Variants in NLGN1 observed in about 807,000 individuals in gnomAD.
NLGN1 encodes neuroligin 1.
In NLGN1, 12 loss-of-function variants were observed where a neutral mutation model predicts 65.5. That is an observed-to-expected ratio of 0.18 (90% confidence interval 0.12 to 0.30). The LOEUF (loss-of-function observed/expected upper bound fraction) is 0.30. Ranked by LOEUF, NLGN1 falls within the 10% of genes least tolerant of loss-of-function variation. NLGN1 has a pLI of 1.00. For synonymous variants in NLGN1, 350 were observed against 359.5 expected (o/e 0.97, Z 0.30); for missense variants, 750 against 1,007.1 (o/e 0.74, Z 3.46).
chr3:173,757,274 C>A (rs764230408), intron 3 of NLGN1, among the ~76,000 whole-genome samples: 2 of 152,008 alleles, frequency 1.3e-5, no homozygotes, highest in Middle Eastern at 6.8e-3. Flanking sequence ...TCACTTAAAG[C>A]AGGAAACTCA....
chr3:173,840,096 A>G (rs1169088449), intron 4 of NLGN1, among the ~76,000 whole-genome samples: 1 of 152,204 alleles, frequency 6.6e-6, no homozygotes, highest in East Asian at 1.9e-4. Context: ...ATGTGACTCT[A>G]AATGCCATTA....
rs187289932 is a variant in NLGN1 at position 173,664,506 on chromosome 3, T to G, written c.493+59415T>G. On this transcript the variant is annotated intron_variant, in intron 3 of 6. Coordinates refer to ENST00000457714, the Ensembl canonical transcript of NLGN1. ...ATGATAAGGAAATTGGTAGCTTGAG[T>G]GAGGGAACAATTAAAAGTGTTAAAA... 2.1e-3 allele frequency among the ~76,000 whole-genome samples: 314 copies of G among 152,128 alleles called. 4 individuals carry two copies. Among genetic ancestry groups the G allele is most frequent in the African/African-American group, 7.2e-3 (298 of 41,518 alleles).
At chr3:173,552,385 G>C (rs186708298) in intron 2 of NLGN1, among the ~76,000 whole-genome samples, 1 of 152,140 alleles carries the variant, frequency 6.6e-6, no homozygotes, top group Admixed American at 6.5e-5. Context: ...CTATGCATCA[G>C]ATAATAATTG....
chr3:173,843,653 A>G (rs1282432730), intron 4 of NLGN1, among the ~76,000 whole-genome samples: 2 of 152,172 alleles, frequency 1.3e-5, no homozygotes, highest in African/African-American at 4.8e-5. Context: ...TCCAGTTGCA[A>G]CAAGTTCCTC....
intron 4 of NLGN1, among the ~76,000 whole-genome samples, chr3:174,153,203 C>T (rs1724736060): frequency 6.6e-6 from 1 of 152,056 alleles, no homozygotes; most frequent in African/African-American, 2.4e-5. Context: ...TTCGACTTTT[C>T]CTCAACACTT....
chr3:174,136,437 A>C (rs528215519), intron 4 of NLGN1: 1 of 152,268 alleles, frequency 6.6e-6, no homozygotes, highest in South Asian at 2.1e-4. Context: ...TATAAGATAT[A>C]GGAGAAAATT....
At chr3:173,896,153 G>A (rs1339248608) in intron 4 of NLGN1, among the ~76,000 whole-genome samples, 1 of 152,132 alleles carries the variant, frequency 6.6e-6, no homozygotes, top group Admixed American at 6.5e-5. Flanking sequence ...GCTTGATTTT[G>A]GCCTCTAGTA....
intron 4 of NLGN1, among the ~76,000 whole-genome samples, chr3:174,220,570 G>A (rs1738452050): frequency 6.6e-6 from 1 of 152,176 alleles, no homozygotes; most frequent in Admixed American, 6.5e-5. Context: ...AATTGGGCAT[G>A]TGAAAATTAC....
intron 4 of NLGN1, among the ~76,000 whole-genome samples, chr3:174,106,511 G>T (rs1195105169): frequency 1.3e-5 from 2 of 151,842 alleles, no homozygotes; most frequent in Non-Finnish European, 2.9e-5. Flanking sequence ...TAAAAACCAA[G>T]AATTTATATA....
chr3:173,718,285 C>A (rs1199417083), intron 3 of NLGN1, among the ~76,000 whole-genome samples: 1 of 152,038 alleles, frequency 6.6e-6, no homozygotes, highest in Admixed American at 6.6e-5. Flanking sequence ...ATTAACCAAC[C>A]TTTCTTCATC....
At chr3:174,044,410 T>G (rs1271593777) in intron 4 of NLGN1, among the ~76,000 whole-genome samples, 1 of 152,202 alleles carries the variant, frequency 6.6e-6, no homozygotes, top group Non-Finnish European at 1.5e-5. Context: ...TGCTTCCTCT[T>G]GAATGCTTTA....
intron 4 of NLGN1, among the ~76,000 whole-genome samples, chr3:174,236,438 A>G (rs1227452106): frequency 6.6e-6 from 1 of 151,976 alleles, no homozygotes; most frequent in African/African-American, 2.4e-5. Flanking sequence ...CTTATGTTAC[A>G]TGTTTTAATG....
intron 4 of NLGN1, among the ~76,000 whole-genome samples, chr3:174,182,308 A>G (rs1730594650): frequency 6.6e-6 from 1 of 152,174 alleles, no homozygotes; most frequent in Non-Finnish European, 1.5e-5. Context: ...AAATGCTTAA[A>G]GTAACACTCC....
rs1358694113 is a variant in NLGN1 at position 173,545,765 on chromosome 3, TA to T, written c.-320-58508del. Among the ~76,000 whole-genome samples the T allele has an allele frequency of 3.3e-5, 5 of 152,116 alleles. No homozygotes were observed. The East Asian group carries it at 7.7e-4, about 24-fold the overall frequency. On this transcript the variant is annotated intron_variant, in intron 2 of 6. Coordinates refer to ENST00000457714, the Ensembl canonical transcript of NLGN1. ...TACACCGTGGAATACTATGCAACCATAAAAAAGGAGGAGTTCATGTTCTTTG... is the reference window on the plus strand; with the variant it reads ...TACACCGTGGAATACTATGCAACCATAAAAAGGAGGAGTTCATGTTCTTTG...
At chr3:174,222,501 G>A (rs1173643909) in intron 4 of NLGN1, among the ~76,000 whole-genome samples, 2 of 152,128 alleles carry the variant, frequency 1.3e-5, no homozygotes, top group South Asian at 2.1e-4. Context: ...GTAAATGGGT[G>A]TTGTATATTT....
intron 4 of NLGN1, among the ~76,000 whole-genome samples, chr3:174,072,336 C>G (rs778820919): frequency 6.6e-6 from 1 of 151,976 alleles, no homozygotes; most frequent in Non-Finnish European, 1.5e-5. Context: ...AGATTTTGAC[C>G]TTGGGTGAGT....
At chr3:173,683,446 A>C (rs1354956973) in intron 3 of NLGN1, among the ~76,000 whole-genome samples, 2 of 152,190 alleles carry the variant, frequency 1.3e-5, no homozygotes, top group African/African-American at 4.8e-5. Context: ...GAGGATATGG[A>C]ACTGACTACA....
At chr3:174,243,999 A>G (rs924729944) in intron 4 of NLGN1, among the ~76,000 whole-genome samples, 26 of 152,166 alleles carry the variant, frequency 1.7e-4, no homozygotes, top group Admixed American at 1.6e-3. Flanking sequence ...TAGGGAAAGA[A>G]AAAAAGCTGA....
chr3:173,772,740 G>C (rs1032645552), intron 3 of NLGN1, among the ~76,000 whole-genome samples: 1 of 152,180 alleles, frequency 6.6e-6, no homozygotes, highest in Non-Finnish European at 1.5e-5. Flanking sequence ...ACCGGAGAAT[G>C]GGATGTGGTG....
Sources: gnomAD v4.1 joint callset for allele counts (sites outside exome capture counted in the v4.1 genomes callset) on GRCh38, gnomAD v4.1.1 for gene constraint, MANE v1.5 for transcripts, NCBI Gene and HGNC (gene_info 2026-07-23, HGNC 2026-07-21) for gene names.